PHF21B: variants seen among roughly 807,000 people sequenced by gnomAD.
PHF21B encodes PHD finger protein 21B, also known as PHD finger protein 4.
In PHF21B, 22 loss-of-function variants were observed where a neutral mutation model predicts 62.2. The ratio of observed to expected loss-of-function variants is 0.35; its 90% CI spans 0.25 to 0.51. The LOEUF (loss-of-function observed/expected upper bound fraction) is 0.51, where lower values mean the gene tolerates loss of function less well. Among genes scored for constraint, PHF21B ranks in the 20% least tolerant of loss-of-function variants. The probability of loss-of-function intolerance (pLI) is 0.97; values close to 1 mark genes in which losing one functional copy is unlikely to be tolerated. For synonymous variants in PHF21B, 341 were observed against 314.7 expected, an observed-to-expected ratio of 1.08 and a Z score of -0.88; for missense variants, 701 against 707.9, an observed-to-expected ratio of 0.99 and a Z score of 0.11.
At chr22:44,951,470 C>A (rs1277524787) in intron 2 of PHF21B, among the ~76,000 whole-genome samples, 1 of 152,230 alleles carries the variant, frequency 6.6e-6, no homozygotes, top group Non-Finnish European at 1.5e-5. Flanking sequence ...CAGTTCCTAA[C>A]AGGCCACAGA....
intron 2 of PHF21B, among the ~76,000 whole-genome samples, chr22:45,006,459 G>C (rs2073315854): frequency 6.6e-6 from 1 of 152,154 alleles, no homozygotes; most frequent in South Asian, 2.1e-4. Flanking sequence ...AGGCAGCCCG[G>C]AGTCGGAGAG....
intron 2 of PHF21B, among the ~76,000 whole-genome samples, chr22:44,951,826 C>T (rs1450230668): frequency 6.6e-6 from 1 of 152,138 alleles, no homozygotes; most frequent in East Asian, 1.9e-4. Context: ...GGGATAGGTG[C>T]AGGTTTAGCT....
At position 44,891,298 on chromosome 22, in the gene PHF21B, G is replaced by A; in HGVS notation, c.1015+8C>T. On this transcript the variant is annotated splice_region_variant and intron_variant, in intron 8 of 12. Coordinates refer to ENST00000313237, the MANE Select transcript of PHF21B (RefSeq NM_138415.5). ...AGCTCTGGCAGAAGGCCTGAAGCCG[G>A]TGCTTACCTCTCGCTGTGAGGAACA... The A allele has an allele frequency of 1.2e-6, 2 of 1,613,804 alleles. No homozygotes were observed. The highest frequency in any genetic ancestry group is 1.1e-5 in the South Asian group (1 of 90,852).
intron 12 of PHF21B, among the ~76,000 whole-genome samples, chr22:44,884,433 A>ACG (rs2070811357): frequency 1.4e-4 from 8 of 57,428 alleles, no homozygotes; most frequent in Non-Finnish European, 3.6e-4. Flanking sequence ...GATCACCATT[A>ACG]TCACCACCAC....
chr22:44,885,529 A>C lies in PHF21B; in HGVS notation c.1274T>G (p.Val425Gly), dbSNP rs2070842029. The C allele has an allele frequency of 1.9e-6, 3 of 1,588,310 alleles. No homozygotes were observed. The highest frequency in any genetic ancestry group is 2.6e-6 in the Non-Finnish European group (3 of 1,167,208). The change falls in exon 12 of 13, where the codon GTC becomes GGC. Residue 425 changes from valine (V) to glycine (G), a missense_variant and splice_region_variant. Val to Gly is a moderately radical substitution (Grantham distance 109). Transcript: ENST00000313237. ...CAGCTTCTGCTTCTCCTCTTCTTTG[A>C]CTAGAAAAGAGAAGGCCAGGTCCCT... Reference protein sequence around the residue: ...IVHSYVTHKTVKEEEKQKLLQ... With the variant: ...IVHSYVTHKTGKEEEKQKLLQ...
intron 2 of PHF21B, among the ~76,000 whole-genome samples, chr22:44,936,811 A>T (rs1398008587): frequency 6.6e-6 from 1 of 151,210 alleles, no homozygotes; most frequent in East Asian, 1.9e-4. Context: ...TTATTAGACA[A>T]TGCTGTTCTA....
intron 2 of PHF21B, among the ~76,000 whole-genome samples, chr22:44,962,142 C>T (rs2072436709): frequency 6.6e-6 from 1 of 152,070 alleles, no homozygotes; most frequent in Admixed American, 6.6e-5. Context: ...AATGGGATTG[C>T]TGGGTCGAAT....
rs1569208004 is a variant in PHF21B at position 44,889,188 on chromosome 22, A to C, written c.1038+572T>G. On this transcript the variant is annotated intron_variant, in intron 9 of 12. Coordinates refer to ENST00000313237, the MANE Select transcript of PHF21B (RefSeq NM_138415.5). ...TAGATCAGAAATTCAGTGAAGAAAA[A>C]CACTGAATAAATTCTGAGATCATGC... is the stretch of plus-strand genomic sequence containing the variant. 2.6e-5 allele frequency among the ~76,000 whole-genome samples: 4 copies of C among 152,124 alleles called. No individual in the cohort carries two copies. The South Asian group carries it at 8.3e-4, about 32-fold the overall frequency.
chr22:44,915,079 CAA>C (rs2071410203), intron 4 of PHF21B, among the ~76,000 whole-genome samples: 1 of 152,160 alleles, frequency 6.6e-6, no homozygotes, highest in Non-Finnish European at 1.5e-5. Flanking sequence ...CTTCTGAGCA[CAA>C]AGAGAAAATA....
intron 2 of PHF21B, among the ~76,000 whole-genome samples, chr22:44,922,849 C>T (rs2071561657): frequency 6.6e-6 from 1 of 152,136 alleles, no homozygotes; most frequent in African/African-American, 2.4e-5. Flanking sequence ...TATACCGTAA[C>T]CATGAATCAG....
intron 2 of PHF21B, among the ~76,000 whole-genome samples, chr22:44,955,836 C>T (rs540286801): frequency 3.1e-4 from 47 of 152,326 alleles, no homozygotes; most frequent in African/African-American, 1.1e-3. Context: ...ATTGGTTCTG[C>T]TCTCTGGCGA....
At chr22:45,001,083 T>G (rs1422892768) in intron 2 of PHF21B, 3 of 152,134 alleles carry the variant, frequency 2.0e-5, no homozygotes, top group South Asian at 2.1e-4. Flanking sequence ...CCCTTGCTCT[T>G]CCGGCTCCAT....
Position 44,944,392 on chromosome 22 carries a change from G to A in PHF21B, c.121-23902C>T, listed in dbSNP as rs796427775. Among the ~76,000 whole-genome samples, 29 of 152,326 alleles carry A rather than the reference G, an allele frequency of 1.9e-4. 1 individual carries two copies. Among genetic ancestry groups the A allele is most frequent in the African/African-American group, 6.7e-4 (28 of 41,578 alleles). ...GCACTATGGCATGCTCACCTCTGAT[G>A]TCTGTTTCCATCCATTCCTCCTCTC... On this transcript the variant is annotated intron_variant, in intron 2 of 12. Coordinates refer to ENST00000313237, the MANE Select transcript of PHF21B (RefSeq NM_138415.5).
Position 44,942,995 on chromosome 22 carries a change from ACCCC to A in PHF21B, c.121-22509_121-22506del, listed in dbSNP as rs136699. Among the ~76,000 whole-genome samples, 610 of 140,352 alleles carry A rather than the reference ACCCC, an allele frequency of 4.3e-3. 9 individuals carry two copies. The highest frequency in any genetic ancestry group is 0.011 in the African/African-American group (383 of 35,694). The allele number at this position is 140,352 out of a possible 152,430, so 92.1% of individuals were successfully genotyped here. On this transcript the variant is annotated intron_variant, in intron 2 of 12. Transcript: ENST00000313237. ...ACAGGCGGACCCCCAGCAGGGAGGG[ACCCC>A]CCCCCCCCCATCCTCAGAAGGGCTG...
chr22:44,980,368 G>A (rs1027087525), intron 2 of PHF21B, among the ~76,000 whole-genome samples: 2 of 152,190 alleles, frequency 1.3e-5, no homozygotes, highest in Admixed American at 6.5e-5. Context: ...AACATGTAGC[G>A]ATGTGGACAC....
At chr22:44,894,992 G>C (rs1201066593) in intron 6 of PHF21B, among the ~76,000 whole-genome samples, 1 of 152,282 alleles carries the variant, frequency 6.6e-6, no homozygotes, top group Non-Finnish European at 1.5e-5. Context: ...AAGACTGCTA[G>C]TGCCTCGGGC....
At chr22:44,900,185 A>G (rs367895538) in intron 5 of PHF21B, among the ~76,000 whole-genome samples, 8 of 152,048 alleles carry the variant, frequency 5.3e-5, no homozygotes, top group African/African-American at 1.9e-4. Context: ...TGACATCCTC[A>G]CCCACAGTTA....
chr22:44,967,087 A>C (rs1423651966), intron 2 of PHF21B: 1 of 152,162 alleles, frequency 6.6e-6, no homozygotes, highest in African/African-American at 2.4e-5. Context: ...CTGAATCAGG[A>C]ACTTTCTCCA....
At position 44,908,041 on chromosome 22, in the gene PHF21B, G is replaced by GT. The variant is rs1220546506; in HGVS notation, c.831+5780dup. 3.3e-5 allele frequency among the ~76,000 whole-genome samples: 5 copies of GT among 152,322 alleles called. No individual in the cohort carries two copies. The South Asian group carries it at 8.3e-4, about 25-fold the overall frequency. Reference sequence around the variant, plus strand: ...TTATATGCAGGAAAAGCTGGGAGCTGTAAGTGGGAAAATCAGGGAAGGATG... The same window carrying GT: ...TTATATGCAGGAAAAGCTGGGAGCTGTTAAGTGGGAAAATCAGGGAAGGATG... On this transcript the variant is annotated intron_variant, in intron 5 of 12. Transcript: ENST00000313237.
Sources: gnomAD v4.1 joint callset for allele counts (sites outside exome capture counted in the v4.1 genomes callset) on GRCh38, gnomAD v4.1.1 for gene constraint, MANE v1.5 for transcripts, NCBI Gene and HGNC (gene_info 2026-07-23, HGNC 2026-07-21) for gene names.